ATG13: variants seen among roughly 807,000 people sequenced by gnomAD.
The protein encoded by ATG13 is autophagy related 13, also known as autophagy-related protein 13.
ATG13 carries 23 observed loss-of-function variants against 65.5 expected under a neutral mutation model. That is an observed-to-expected ratio of 0.35 (90% CI 0.25 to 0.50). The LOEUF (loss-of-function observed/expected upper bound fraction) is 0.50, where lower values mean the gene tolerates loss of function less well. Among genes scored for constraint, ATG13 ranks in the 20% least tolerant of loss-of-function variants. ATG13 has a pLI of 0.98. For missense variants in ATG13, 566 were observed against 677.0 expected, an observed-to-expected ratio of 0.84 and a Z score of 1.82; for synonymous variants, 252 against 245.2, an observed-to-expected ratio of 1.03 and a Z score of -0.26.
chr11:46,651,903 A>T (rs1451066368), intron 7 of ATG13, among the ~76,000 whole-genome samples: 3 of 152,198 alleles, frequency 2.0e-5, no homozygotes, highest in African/African-American at 7.2e-5. Flanking sequence ...TAGGACTGCT[A>T]GTCCTTTTCA....
chr11:46,657,726 C>T (rs2060322824), intron 10 of ATG13, 104 bp downstream of exon 10: 3 of 1,043,282 alleles, frequency 2.9e-6, no homozygotes, highest in Non-Finnish European at 4.2e-6. Flanking sequence ...CTCCAGTGGG[C>T]AGGGGGCCAC....
At chr11:46,646,591 G>A (rs930201187) in intron 5 of ATG13, among the ~76,000 whole-genome samples, 3 of 152,074 alleles carry the variant, frequency 2.0e-5, no homozygotes, top group Non-Finnish European at 2.9e-5. Context: ...AGCCTCCCAA[G>A]TGGCTTGGAT....
chr11:46,669,040 T>G, intron 17 of ATG13, 130 bp downstream of exon 17: 1 of 814,420 alleles, frequency 1.2e-6, no homozygotes, highest in Non-Finnish European at 2.0e-6. Flanking sequence ...GATGGACAGG[T>G]GGAGTCTGGT....
At chr11:46,659,537 G>A in intron 11 of ATG13, 52 bp downstream of exon 11, 1 of 1,448,174 alleles carries the variant, frequency 6.9e-7, no homozygotes, top group Non-Finnish European at 9.7e-7. Flanking sequence ...ATATATATGG[G>A]CTTTATGAAA....
At chr11:46,667,636 T>C in intron 14 of ATG13, 137 bp from the exon 15 acceptor site, 1 of 541,706 alleles carries the variant, frequency 1.8e-6, no homozygotes, top group Non-Finnish European at 3.3e-6. Context: ...GACCACATAA[T>C]GCCATCTCCC....
intron 2 of ATG13, among the ~76,000 whole-genome samples, chr11:46,640,541 CCT>C (rs780185914): frequency 8.5e-5 from 13 of 152,170 alleles, no homozygotes; most frequent in Non-Finnish European, 1.9e-4. Flanking sequence ...TTAGCTAGAG[CCT>C]CTGTTTCCAG....
intron 11 of ATG13, chr11:46,659,688 A>G (rs1488474338): frequency 6.2e-6 from 3 of 482,180 alleles, no homozygotes; most frequent in South Asian, 3.2e-5. Flanking sequence ...TCAAGATTAC[A>G]TTTAGCCCTT....
chr11:46,656,416 G>C, intron 8 of ATG13, 143 bp downstream of exon 8: 1 of 816,054 alleles, frequency 1.2e-6, no homozygotes, highest in Non-Finnish European at 1.9e-6. Flanking sequence ...AATGCAGGTA[G>C]GTGGTCCAGG....
At chr11:46,626,469 C>T (rs893883581) in intron 1 of ATG13, among the ~76,000 whole-genome samples, 4 of 152,088 alleles carry the variant, frequency 2.6e-5, no homozygotes, top group Non-Finnish European at 5.9e-5. Flanking sequence ...AGGCTGATCT[C>T]GAACTCCTGA....
intron 7 of ATG13, among the ~76,000 whole-genome samples, chr11:46,651,602 G>C (rs2136476790): frequency 6.6e-6 from 1 of 152,292 alleles, no homozygotes; most frequent in African/African-American, 2.4e-5. Flanking sequence ...TGCCTTACAT[G>C]TATAGAGCTG....
chr11:46,630,676 A>G (rs373743661), intron 2 of ATG13, among the ~76,000 whole-genome samples: 9 of 151,430 alleles, frequency 5.9e-5, no homozygotes, highest in African/African-American at 1.7e-4. Context: ...AGCTCAAGCA[A>G]TCTGCCTACC....
At chr11:46,652,665 A>T (rs1044304664) in intron 7 of ATG13, among the ~76,000 whole-genome samples, 4 of 152,118 alleles carry the variant, frequency 2.6e-5, no homozygotes, top group African/African-American at 9.7e-5. Flanking sequence ...GTGAGCCATG[A>T]TCACACCACT....
intron 9 of ATG13, 55 bp from the exon 10 acceptor site, chr11:46,657,469 G>A: frequency 1.9e-6 from 3 of 1,543,876 alleles, no homozygotes; most frequent in Non-Finnish European, 1.8e-6. Context: ...TGAGGACTTT[G>A]TGGGGGCTGG....
chr11:46,627,624 C>T (rs2050164240), intron 1 of ATG13, among the ~76,000 whole-genome samples: 1 of 151,862 alleles, frequency 6.6e-6, no homozygotes, highest in South Asian at 2.1e-4. Flanking sequence ...GCATGTGTCA[C>T]CATGCCTGGC....
At chr11:46,660,403 A>ATT (rs1279629660) in intron 11 of ATG13, among the ~76,000 whole-genome samples, 1 of 124,592 alleles carries the variant, frequency 8.0e-6, no homozygotes, top group African/African-American at 2.9e-5. Context: ...TTTTTTTTCA[A>ATT]TTTTTCTTTT....
At chr11:46,622,261 GC>G (rs953878090) in intron 1 of ATG13, among the ~76,000 whole-genome samples, 1 of 150,968 alleles carries the variant, frequency 6.6e-6, no homozygotes, top group African/African-American at 2.4e-5. Flanking sequence ...GGGACTACAG[GC>G]GCCCACTACC....
intron 1 of ATG13, among the ~76,000 whole-genome samples, chr11:46,621,682 T>C (rs1391828434): frequency 3.3e-5 from 5 of 152,104 alleles, no homozygotes; most frequent in Admixed American, 3.3e-4. Context: ...AACCTCTTTG[T>C]GGCTTCTCCA....
chr11:46,661,942 G>A (rs2061312157), intron 11 of ATG13, among the ~76,000 whole-genome samples: 1 of 152,212 alleles, frequency 6.6e-6, no homozygotes, highest in African/African-American at 2.4e-5. Context: ...TATTGTCCTA[G>A]TTTGTTTTGG....
intron 2 of ATG13, among the ~76,000 whole-genome samples, chr11:46,643,125 C>T (rs1293449888): frequency 6.6e-6 from 1 of 152,020 alleles, no homozygotes; most frequent in Non-Finnish European, 1.5e-5. Context: ...TACAGCTGAC[C>T]CCTGATTGGT....
Sources: allele counts gnomAD v4.1 joint callset (sites outside exome capture counted in the v4.1 genomes callset), GRCh38; gene constraint gnomAD v4.1.1; transcripts MANE v1.5; gene names NCBI Gene and HGNC (gene_info 2026-07-23, HGNC 2026-07-21).